ROBO2: variants seen among roughly 807,000 people sequenced by gnomAD.
ROBO2 encodes roundabout guidance receptor 2.
A neutral mutation model predicts 160.8 loss-of-function variants in ROBO2; 53 were observed. That is an observed-to-expected ratio of 0.33 (90% CI 0.26 to 0.41). ROBO2 has a LOEUF of 0.41. Ranked by LOEUF, ROBO2 falls within the 10% of genes least tolerant of loss-of-function variation. The pLI is 1.00. For synonymous variants in ROBO2, 664 were observed against 611.7 expected, an observed-to-expected ratio of 1.09 and a Z score of -1.26; for missense variants, 1,577 against 1,722.4, an observed-to-expected ratio of 0.92 and a Z score of 1.49.
chr3:76,536,400 G>A (rs1005631541), intron 2 of ROBO2, among the ~76,000 whole-genome samples: 2 of 152,046 alleles, frequency 1.3e-5, no homozygotes, highest in South Asian at 2.1e-4. Flanking sequence ...AGAATAAGAC[G>A]GCCTTCTGGC....
chr3:77,234,925 T>A (rs527776222), intron 2 of ROBO2, among the ~76,000 whole-genome samples: 4 of 152,310 alleles, frequency 2.6e-5, no homozygotes, highest in South Asian at 2.1e-4. Context: ...TGGCGTTACT[T>A]TAATTCCAAG....
Position 75,937,604 on chromosome 3 carries a change from T to A in ROBO2, c.109+2T>A. 1 of 1,536,688 alleles carries A rather than the reference T, an allele frequency of 6.5e-7. No individual in the cohort carries two copies. Among genetic ancestry groups the A allele is most frequent in the Non-Finnish European group, 8.8e-7 (1 of 1,140,350 alleles). On this transcript the variant is annotated splice_donor_variant, in intron 2 of 26. Transcript: ENST00000487694. LOFTEE classifies it high-confidence loss of function. The stretch of plus-strand genomic sequence containing the variant: ...ATCAGGGGAATGGACAAGGCCAAGG[T>A]AAGTGCAAGGATGTTCTAATTCTTT...
At chr3:76,348,915 A>G (rs909483298) in intron 2 of ROBO2, among the ~76,000 whole-genome samples, 1 of 152,158 alleles carries the variant, frequency 6.6e-6, no homozygotes, top group East Asian at 1.9e-4. Flanking sequence ...AGGAGTGGAA[A>G]GGGGAATTTA....
chr3:76,622,223 G>T (rs1405894504), intron 2 of ROBO2, among the ~76,000 whole-genome samples: 1 of 23,660 alleles, frequency 4.2e-5, no homozygotes, highest in African/African-American at 1.1e-4. Context: ...AGGAAGGAAG[G>T]AAGGAAGGAA....
intron 2 of ROBO2, among the ~76,000 whole-genome samples, chr3:77,157,888 A>G (rs1348162428): frequency 2.6e-5 from 4 of 152,088 alleles, no homozygotes; most frequent in African/African-American, 9.7e-5. Context: ...GGAGATAAAC[A>G]ATAATAGTAC....
At chr3:76,921,118 G>A (rs949231225) in intron 2 of ROBO2, among the ~76,000 whole-genome samples, 2 of 152,148 alleles carry the variant, frequency 1.3e-5, no homozygotes, top group Non-Finnish European at 2.9e-5. Context: ...ACAGGTTTAG[G>A]AGAATGCTTG....
chr3:76,695,296 T>A (rs1007538662), intron 2 of ROBO2, among the ~76,000 whole-genome samples: 15 of 152,118 alleles, frequency 9.9e-5, no homozygotes, highest in Admixed American at 9.8e-4. Context: ...TGTACAGAGG[T>A]CAGTGATGTA....
chr3:76,329,093 C>T (rs2073275009), intron 2 of ROBO2, among the ~76,000 whole-genome samples: 1 of 151,920 alleles, frequency 6.6e-6, no homozygotes, highest in Admixed American at 6.6e-5. Flanking sequence ...ACAAGCTGCA[C>T]ACTCAGCGCA....
Position 77,311,874 on chromosome 3 carries a change from G to T in ROBO2, c.389-165540G>T, listed in dbSNP as rs559449001. On this transcript the variant is annotated intron_variant, in intron 2 of 25. Coordinates refer to ENST00000461745, the Ensembl canonical transcript of ROBO2. ...GGCCGAGGTGGGCAGATCACTTGAGGTCAGGAGTTGGAGACTAGACAGACC... is the reference window on the plus strand; with the variant it reads ...GGCCGAGGTGGGCAGATCACTTGAGTTCAGGAGTTGGAGACTAGACAGACC... Among the ~76,000 whole-genome samples the T allele has an allele frequency of 4.7e-4, 72 of 152,184 alleles. 1 individual carries two copies. Among genetic ancestry groups the T allele is most frequent in the African/African-American group, 1.6e-3 (65 of 41,526 alleles).
Position 76,703,207 on chromosome 3 carries a change from G to T in ROBO2, c.110-394807G>T, listed in dbSNP as rs79259733. Among the ~76,000 whole-genome samples, 79 of 152,208 alleles carry T rather than the reference G, an allele frequency of 5.2e-4. 1 individual carries two copies. In the East Asian group the frequency reaches 0.013, roughly 26 times the overall value. On this transcript the variant is annotated intron_variant, in intron 2 of 26. Transcript: ENST00000487694. ...CATGAAAGTTGAAATTGTGCAAAGA[G>T]ATCTTAATAATCAATGGAGGAAATT...
chr3:76,187,079 T>G (rs993524734), intron 2 of ROBO2, among the ~76,000 whole-genome samples: 2 of 148,274 alleles, frequency 1.3e-5, no homozygotes, highest in Non-Finnish European at 3.0e-5. Context: ...AAAAAAAAAC[T>G]TTGTCAATTT....
intron 2 of ROBO2, among the ~76,000 whole-genome samples, chr3:77,003,837 G>A (rs538332091): frequency 4.1e-4 from 62 of 152,192 alleles, no homozygotes; most frequent in African/African-American, 1.5e-3. Context: ...GAGCCACCAC[G>A]CCCAGCCGAC....
At chr3:77,547,960 T>C (rs2092764703) in intron 7 of ROBO2, among the ~76,000 whole-genome samples, 1 of 151,200 alleles carries the variant, frequency 6.6e-6, no homozygotes, top group African/African-American at 2.4e-5. Flanking sequence ...CACACACACT[T>C]AGACACACAC....
intron 2 of ROBO2, among the ~76,000 whole-genome samples, chr3:76,420,540 C>T (rs2075951597): frequency 6.6e-6 from 1 of 152,116 alleles, no homozygotes; most frequent in Non-Finnish European, 1.5e-5. Flanking sequence ...AGAATTAGTA[C>T]CAAAGAGCTC....
chr3:76,658,104 AT>A (rs1295488455), intron 2 of ROBO2, among the ~76,000 whole-genome samples: 80 of 149,080 alleles, frequency 5.4e-4, no homozygotes, highest in African/African-American at 1.8e-3. Flanking sequence ...AAATAAATAA[AT>A]AAATAAATAA....
chr3:76,918,772 A>G (rs748232172), intron 2 of ROBO2, among the ~76,000 whole-genome samples: 30 of 152,216 alleles, frequency 2.0e-4, no homozygotes, highest in Non-Finnish European at 4.1e-4. Flanking sequence ...GAAATAATTT[A>G]CGTTCCCACC....
chr3:76,962,716 A>C (rs968577960), intron 2 of ROBO2, among the ~76,000 whole-genome samples: 1 of 151,424 alleles, frequency 6.6e-6, no homozygotes, highest in East Asian at 1.9e-4. Context: ...CTGAGGCAGG[A>C]GGATCACTTG....
intron 2 of ROBO2, among the ~76,000 whole-genome samples, chr3:76,364,704 A>C (rs888540525): frequency 7.9e-5 from 12 of 152,110 alleles, no homozygotes; most frequent in Non-Finnish European, 1.5e-4. Context: ...AAACTTTGGA[A>C]GAAATGAAGG....
intron 2 of ROBO2, among the ~76,000 whole-genome samples, chr3:76,731,242 A>G (rs1461245617): frequency 6.6e-6 from 1 of 152,158 alleles, no homozygotes; most frequent in Non-Finnish European, 1.5e-5. Flanking sequence ...TCCATTTTAA[A>G]TTGCCTTTAT....
Sources: allele counts gnomAD v4.1 joint callset (sites outside exome capture counted in the v4.1 genomes callset), GRCh38; gene constraint gnomAD v4.1.1; transcripts MANE v1.5; gene names NCBI Gene and HGNC (gene_info 2026-07-23, HGNC 2026-07-21).